ARHGEF4: variants seen among roughly 807,000 people sequenced by gnomAD.
ARHGEF4 encodes the protein Rho guanine nucleotide exchange factor 4.
A neutral mutation model predicts 162.0 loss-of-function variants in ARHGEF4; 119 were observed. The observed-to-expected ratio is 0.73, with a 90% CI of 0.63 to 0.86. ARHGEF4 has a LOEUF of 0.86. Among genes scored for constraint, ARHGEF4 ranks in the 40% least tolerant of loss-of-function variants. ARHGEF4 has a pLI of 0.00. For missense variants in ARHGEF4, 2,488 were observed against 2,456.0 expected (o/e 1.01, Z -0.28); for synonymous variants, 1,014 against 979.9 (o/e 1.03, Z -0.65).
chr2:130,977,852 C>G (rs1685859761), intron 4 of ARHGEF4, among the ~76,000 whole-genome samples: 1 of 152,076 alleles, frequency 6.6e-6, no homozygotes, highest in South Asian at 2.1e-4. Context: ...ACTGAGACAA[C>G]AAGTATTGCC....
At position 130,915,462 on chromosome 2, in the gene ARHGEF4, T is replaced by G; in HGVS notation, c.1516T>G (p.Tyr506Asp). 3 of 1,550,456 alleles carry G rather than the reference T, an allele frequency of 1.9e-6. No individual in the cohort carries two copies. The highest frequency in any genetic ancestry group is 2.6e-6 in the Non-Finnish European group (3 of 1,146,988). The change falls in exon 2 of 14, where the codon TAC (tyrosine) becomes GAC (aspartate). Residue 506 changes from tyrosine to aspartate, a missense_variant. Coordinates refer to ENST00000409359, the MANE Select transcript of ARHGEF4 (RefSeq NM_001367493.1). ...CCAGGCAGGAAACCAAACCAGTAAT[T>G]ACACATCAAAGTATGTGCTCAGCGA... is the stretch of plus-strand genomic sequence containing the variant. ...SVQAGNQTSN[Y>D]TSKYVLSEES...
intron 4 of ARHGEF4, among the ~76,000 whole-genome samples, chr2:130,986,058 T>C (rs534819735): frequency 9.2e-5 from 14 of 152,082 alleles, no homozygotes; most frequent in African/African-American, 3.1e-4. Context: ...GTATATGTTA[T>C]GTGTGTAGTG....
At chr2:130,884,853 A>G (rs1028553123) in intron 1 of ARHGEF4, among the ~76,000 whole-genome samples, 2 of 152,062 alleles carry the variant, frequency 1.3e-5, no homozygotes, top group African/African-American at 2.4e-5. Context: ...AGTGATGATT[A>G]CAAGCTGAGG....
intron 4 of ARHGEF4, among the ~76,000 whole-genome samples, chr2:131,010,379 C>T (rs1461878155): frequency 6.6e-6 from 1 of 152,148 alleles, no homozygotes; most frequent in Non-Finnish European, 1.5e-5. Flanking sequence ...ATCAGATAGC[C>T]GTTTTGTTGT....
chr2:131,042,233 A>C (rs1396612917), intron 10 of ARHGEF4, among the ~76,000 whole-genome samples: 2 of 152,202 alleles, frequency 1.3e-5, no homozygotes, highest in African/African-American at 2.4e-5. Context: ...TGTGTTCCTC[A>C]GCTGTGTTCT....
rs944987135 is a variant in ARHGEF4, at chr2:130,930,988, C to T, written c.3589C>T (p.Pro1197Ser). ...MPWEEPAGEK[P>S]SCSHSQKAFH... ...CTGGGAAGAACCAGCAGGTGAGAAG[C>T]CCAGTTGCTCTCACAGTCAGAAGGC... Residue 1197 changes from proline to serine, a missense_variant, in exon 3 of 14, where the codon CCC becomes TCC. Physicochemically the swap from Pro to Ser is moderately conservative, Grantham distance 74. Coordinates refer to ENST00000409359, the MANE Select transcript of ARHGEF4 (RefSeq NM_001367493.1). The T allele has an allele frequency of 6.2e-7, 1 of 1,611,802 alleles. No homozygotes were observed. The highest frequency in any genetic ancestry group is 1.1e-5 in the South Asian group (1 of 90,984).
At chr2:130,968,448 G>T (rs1685141252) in intron 4 of ARHGEF4, among the ~76,000 whole-genome samples, 1 of 152,196 alleles carries the variant, frequency 6.6e-6, no homozygotes, top group African/African-American at 2.4e-5. Context: ...TGGGAGAGAG[G>T]ACTAACATAA....
At chr2:131,045,514 T>G (rs777643321) in intron 13 of ARHGEF4, 68 bp downstream of exon 13, 47 of 1,613,274 alleles carry the variant, frequency 2.9e-5, no homozygotes, top group Non-Finnish European at 3.6e-5. Context: ...TTCCCTTCTC[T>G]GAACCACAAA....
intron 3 of ARHGEF4, among the ~76,000 whole-genome samples, chr2:130,945,831 G>T (rs894573651): frequency 2.6e-4 from 40 of 152,126 alleles, no homozygotes; most frequent in African/African-American, 9.2e-4. Flanking sequence ...TTTGTATATT[G>T]ATGTTTCTGG....
intron 4 of ARHGEF4, among the ~76,000 whole-genome samples, chr2:130,974,908 C>T (rs1357524001): frequency 6.6e-6 from 1 of 152,198 alleles, no homozygotes; most frequent in Non-Finnish European, 1.5e-5. Context: ...CCTTCTACAG[C>T]CTCTTGACCT....
intron 4 of ARHGEF4, among the ~76,000 whole-genome samples, chr2:130,955,325 A>G (rs1354258019): frequency 6.6e-6 from 1 of 152,002 alleles, no homozygotes; most frequent in Non-Finnish European, 1.5e-5. Flanking sequence ...TATGGGTCAA[A>G]CTTTCCTGTT....
At chr2:130,985,305 C>T (rs1179053250) in intron 4 of ARHGEF4, among the ~76,000 whole-genome samples, 2 of 152,144 alleles carry the variant, frequency 1.3e-5, no homozygotes, top group African/African-American at 4.8e-5. Flanking sequence ...ACAAACAACA[C>T]ATTCCTGGTC....
At chr2:130,997,022 C>G (rs1450295398) in intron 4 of ARHGEF4, among the ~76,000 whole-genome samples, 2 of 152,190 alleles carry the variant, frequency 1.3e-5, no homozygotes, top group Non-Finnish European at 2.9e-5. Context: ...TAACTGCCAT[C>G]TTATCTTTTA....
At position 130,917,061 on chromosome 2, in the gene ARHGEF4, G is replaced by A. The variant is rs572153704; in HGVS notation, c.3115G>A (p.Gly1039Ser). ...TIKCTATQEG[G>S]RYLPSGIFPE... ...CAAGTGCACAGCCACCCAGGAAGGC[G>A]GTAGGTACCTACCTTCAGGTATCTT... The change falls in exon 2 of 14, where the codon GGT becomes AGT. Residue 1039 changes from glycine to serine, a missense_variant. By Grantham distance (56) the Gly-to-Ser change is moderately conservative. Around this residue, in one of 6 missense-constraint regions of ARHGEF4, gnomAD observed 1,642 missense variants for 1,481.5 expected, o/e 1.11. Transcript: ENST00000409359. The A allele has an allele frequency of 3.2e-4, 499 of 1,550,774 alleles. 1 individual carries two copies. Among genetic ancestry groups the A allele is most frequent in the Non-Finnish European group, 3.1e-4 (352 of 1,147,038 alleles).
In ARHGEF4 at chr2:130,931,231, G is replaced by T. The variant is rs775367130; in HGVS notation, c.3832G>T (p.Gly1278Trp). Residue 1278 changes from glycine to tryptophan, a missense_variant, in exon 3 of 14, where the codon GGG becomes TGG. Gly to Trp is a radical substitution (Grantham distance 184). This residue lies in a region of ARHGEF4 where 1,642 missense variants were observed against 1,481.5 expected (regional missense o/e 1.11). Coordinates refer to ENST00000409359, the MANE Select transcript of ARHGEF4 (RefSeq NM_001367493.1). Reference protein sequence around the residue: ...QAHVERRLHIGAVHKDGVKCW... With the variant: ...QAHVERRLHIWAVHKDGVKCW... ...CCACGTCGAAAGGAGGCTGCACATA[G>T]GGGCAGTGCACAAAGATGGAGTCAA... is the stretch of plus-strand genomic sequence containing the variant. The T allele has an allele frequency of 1.9e-6, 3 of 1,611,304 alleles. No individual in the cohort carries two copies. Among genetic ancestry groups the T allele is most frequent in the Admixed American group, 3.3e-5 (2 of 59,890 alleles).
intron 2 of ARHGEF4, among the ~76,000 whole-genome samples, chr2:130,925,109 A>C (rs915140178): frequency 2.7e-5 from 4 of 150,668 alleles, no homozygotes; most frequent in Non-Finnish European, 5.9e-5. Flanking sequence ...AGAGAGAATG[A>C]ACATTTTCTA....
chr2:130,973,588 C>T (rs1232084641), intron 4 of ARHGEF4, among the ~76,000 whole-genome samples: 2 of 152,196 alleles, frequency 1.3e-5, no homozygotes, highest in African/African-American at 4.8e-5. Flanking sequence ...AGAGGAGCAC[C>T]AGGGCTCTGA....
intron 1 of ARHGEF4, among the ~76,000 whole-genome samples, chr2:130,874,984 C>A (rs1678730590): frequency 6.6e-6 from 1 of 152,160 alleles, no homozygotes; most frequent in Non-Finnish European, 1.5e-5. Context: ...TCCAGGTCTC[C>A]TACAAAGTTG....
chr2:130,981,393 A>C (rs1008781103), intron 4 of ARHGEF4, among the ~76,000 whole-genome samples: 3 of 152,146 alleles, frequency 2.0e-5, no homozygotes, highest in African/African-American at 4.8e-5. Context: ...CTAGAAGTGA[A>C]AATAGGCCTG....
Sources: allele counts gnomAD v4.1 joint callset (sites outside exome capture counted in the v4.1 genomes callset), GRCh38; gene constraint gnomAD v4.1.1; regional missense constraint gnomAD v4.1.1; transcripts MANE v1.5; gene names NCBI Gene and HGNC (gene_info 2026-07-23, HGNC 2026-07-21).